Variants in PUS10 observed in about 807,000 individuals in gnomAD.
PUS10 encodes pseudouridine synthase 10, also known as tRNA pseudouridine synthase Pus10.
A neutral mutation model predicts 75.0 loss-of-function variants in PUS10; 59 were observed. The ratio of observed to expected loss-of-function variants is 0.79; its 90% CI spans 0.64 to 0.98. The LOEUF (loss-of-function observed/expected upper bound fraction) is 0.98, where lower values mean the gene tolerates loss of function less well. PUS10 is among the 50% of genes least tolerant of loss of function. The probability of loss-of-function intolerance (pLI) is 0.00; values close to 1 mark genes in which losing one functional copy is unlikely to be tolerated. For missense variants in PUS10, 650 were observed against 614.4 expected (o/e 1.06, Z -0.61); for synonymous variants, 219 against 211.6 (o/e 1.03, Z -0.30).
intron 4 of PUS10, among the ~76,000 whole-genome samples, chr2:60,975,733 C>G (rs1430101697): frequency 6.7e-6 from 1 of 149,978 alleles, no homozygotes; most frequent in Non-Finnish European, 1.5e-5. Context: ...TTTGTCCCGC[C>G]CTTCCTTCAG....
In PUS10 at chr2:61,006,580, G is replaced by A; in HGVS notation, c.445C>T (p.Pro149Ser). Residue 149 changes from proline (P) to serine (S), a missense_variant, in exon 4 of 18, where the codon CCA becomes TCA. By Grantham distance (74) the Pro-to-Ser change is moderately conservative. Coordinates refer to ENST00000316752, the MANE Select transcript of PUS10 (RefSeq NM_144709.4). ...FTSLVFSVSF[P>S]PQLSVREHAA... ...ACCTCTCTTACAGATAGTTGTGGTG[G>A]GAAGGAGACTGAAAATACCAAGCTG... The A allele has an allele frequency of 3.7e-6, 6 of 1,613,242 alleles. No homozygotes were observed. Among genetic ancestry groups the A allele is most frequent in the Non-Finnish European group, 5.1e-6 (6 of 1,179,526 alleles).
intron 4 of PUS10, among the ~76,000 whole-genome samples, chr2:60,986,777 A>G (rs1677747926): frequency 6.6e-6 from 1 of 152,222 alleles, no homozygotes; most frequent in Non-Finnish European, 1.5e-5. Flanking sequence ...AGGAGGTCAT[A>G]AAGAATCCCA....
Position 60,945,088 on chromosome 2 carries a change from T to G in PUS10, c.1472A>C (p.His491Pro). 1 of 1,613,534 alleles carries G rather than the reference T, an allele frequency of 6.2e-7. No individual in the cohort carries two copies. The highest frequency in any genetic ancestry group is 8.5e-7 in the Non-Finnish European group (1 of 1,179,412). The change falls in exon 17 of 18, where the codon CAT (histidine) becomes CCT (proline). Residue 491 changes from histidine (H) to proline (P), a missense_variant. His to Pro is a moderately conservative substitution (Grantham distance 77). Coordinates refer to ENST00000316752, the MANE Select transcript of PUS10 (RefSeq NM_144709.4). ...TGGCTTGGTTCTCCCGAAGTCTCCA[T>G]GTACAAACTCTTTAATGTAGCTGGG... ...QAGTYIKEFV[H>P]GDFGRTKPNI...
chr2:60,962,690 A>C, intron 9 of PUS10, 136 bp downstream of exon 9: 3 of 1,384,966 alleles, frequency 2.2e-6, no homozygotes, highest in Non-Finnish European at 1.9e-6. Flanking sequence ...CATGGGTTGG[A>C]GAGATAACAA....
At chr2:61,005,951 G>A (rs1342661315) in intron 4 of PUS10, among the ~76,000 whole-genome samples, 1 of 152,138 alleles carries the variant, frequency 6.6e-6, no homozygotes, top group Non-Finnish European at 1.5e-5. Context: ...GTTGTAATTT[G>A]AGATTACAGA....
At chr2:60,973,571 G>C (rs1471843685) in intron 4 of PUS10, among the ~76,000 whole-genome samples, 1 of 152,266 alleles carries the variant, frequency 6.6e-6, no homozygotes, top group Non-Finnish European at 1.5e-5. Context: ...CAACAAGTAC[G>C]GGAGGGAGGC....
At chr2:60,995,303 C>T (rs1026063818) in intron 4 of PUS10, among the ~76,000 whole-genome samples, 1 of 152,106 alleles carries the variant, frequency 6.6e-6, no homozygotes, top group Non-Finnish European at 1.5e-5. Flanking sequence ...GGCTTGTTTT[C>T]CTAAGAAAGG....
intron 3 of PUS10, among the ~76,000 whole-genome samples, chr2:61,007,871 A>C (rs552022767): frequency 1.3e-5 from 2 of 151,686 alleles, no homozygotes; most frequent in South Asian, 4.2e-4. Flanking sequence ...TCACGAGGTC[A>C]AGAGATTAAG....
intron 6 of PUS10, chr2:60,966,723 C>T (rs760477070): frequency 6.6e-6 from 1 of 152,242 alleles, no homozygotes; most frequent in African/African-American, 2.4e-5. Flanking sequence ...GTTTACAGAA[C>T]AGAGCATATT....
At chr2:60,973,024 G>A (rs1676783548) in intron 4 of PUS10, among the ~76,000 whole-genome samples, 1 of 152,216 alleles carries the variant, frequency 6.6e-6, no homozygotes, top group Non-Finnish European at 1.5e-5. Context: ...GAGCAGCAGT[G>A]GCGGCGGTGG....
At chr2:60,962,209 T>G (rs1325335513) in intron 9 of PUS10, among the ~76,000 whole-genome samples, 1 of 152,252 alleles carries the variant, frequency 6.6e-6, no homozygotes, top group East Asian at 1.9e-4. Context: ...CCAGGTCTAC[T>G]CTATTACTAG....
chr2:61,005,378 G>C lies in PUS10; in HGVS notation c.468+1179C>G, dbSNP rs566856810. Among the ~76,000 whole-genome samples, 13 of 152,286 alleles carry C rather than the reference G, an allele frequency of 8.5e-5. No individual in the cohort carries two copies. In the East Asian group the frequency reaches 2.5e-3, roughly 29 times the overall value. ...AAATCATCAAATAAGTGATAAAATG[G>C]ATAATATGAATCTTAATGTAAAAAT... On this transcript the variant is annotated intron_variant, in intron 4 of 17. Coordinates refer to ENST00000316752, the MANE Select transcript of PUS10 (RefSeq NM_144709.4).
chr2:60,942,859 C>T (rs1250449772), intron 17 of PUS10, among the ~76,000 whole-genome samples: 1 of 152,012 alleles, frequency 6.6e-6, no homozygotes, highest in Middle Eastern at 3.4e-3. Flanking sequence ...GGCAAAACCC[C>T]GTCTCCACTA....
At chr2:60,944,001 T>C (rs1454955563) in intron 17 of PUS10, among the ~76,000 whole-genome samples, 2 of 152,004 alleles carry the variant, frequency 1.3e-5, no homozygotes, top group East Asian at 1.9e-4. Flanking sequence ...TAGTGGCTCA[T>C]GCCTGTGGTC....
intron 6 of PUS10, chr2:60,966,562 A>G (rs1313477115): frequency 6.6e-6 from 1 of 152,296 alleles, no homozygotes; most frequent in Non-Finnish European, 1.5e-5. Flanking sequence ...CACTGATACA[A>G]CATGTAAAAT....
At position 61,008,774 on chromosome 2, in the gene PUS10, T is replaced by C; in HGVS notation, c.368A>G (p.Asp123Gly). 1.3e-6 allele frequency: 2 copies of C among 1,579,178 alleles called. No individual in the cohort carries two copies. The highest frequency in any genetic ancestry group is 8.6e-7 in the Non-Finnish European group (1 of 1,161,258). The change falls in exon 3 of 18, where the codon GAT becomes GGT. Residue 123 changes from aspartate to glycine, a missense_variant. Physicochemically the swap from Asp to Gly is moderately conservative, Grantham distance 94. Transcript: ENST00000316752. ...LGILQEFCEKDFIKKVCQKVE... is the reference protein window; with the variant it reads ...LGILQEFCEKGFIKKVCQKVE... ...CAGGTTATTTACCTTTTTAATGAAA[T>C]CTTTCTCACAGAATTCTTGAAGAAT...
At chr2:60,992,605 T>C (rs1183068454) in intron 4 of PUS10, among the ~76,000 whole-genome samples, 1 of 152,222 alleles carries the variant, frequency 6.6e-6, no homozygotes, top group Non-Finnish European at 1.5e-5. Context: ...GTGAACTAAA[T>C]TCTAAATAGA....
intron 4 of PUS10, among the ~76,000 whole-genome samples, chr2:60,988,569 C>A (rs1204120462): frequency 1.3e-5 from 2 of 152,096 alleles, no homozygotes. Context: ...AAAATTTTAT[C>A]TTAAAAGTAA....
intron 4 of PUS10, among the ~76,000 whole-genome samples, chr2:60,999,054 C>G (rs1678671261): frequency 6.6e-6 from 1 of 151,830 alleles, no homozygotes; most frequent in South Asian, 2.1e-4. Context: ...AGTCAATGGA[C>G]TAAGCAAACT....
Sources: gnomAD v4.1 joint callset for allele counts (sites outside exome capture counted in the v4.1 genomes callset) on GRCh38, gnomAD v4.1.1 for gene constraint, MANE v1.5 for transcripts, NCBI Gene and HGNC (gene_info 2026-07-23, HGNC 2026-07-21) for gene names.